Variants in PKD2L1 observed in about 807,000 individuals in gnomAD.
PKD2L1 encodes the protein polycystin 2 like 1, transient receptor potential cation channel.
A neutral mutation model predicts 93.0 loss-of-function variants in PKD2L1; 77 were observed. That is an observed-to-expected ratio of 0.83 (90% CI 0.69 to 1.00). The LOEUF (loss-of-function observed/expected upper bound fraction) is 1.00. Ranked by LOEUF, PKD2L1 falls within the 50% of genes least tolerant of loss-of-function variation. The pLI is 0.00. For synonymous variants in PKD2L1, 390 were observed against 388.0 expected, an observed-to-expected ratio of 1.01 and a Z score of -0.06; for missense variants, 977 against 990.9, an observed-to-expected ratio of 0.99 and a Z score of 0.19.
Position 100,290,381 on chromosome 10 carries a change from C to G in PKD2L1, c.2126+20G>C, listed in dbSNP as rs1167339607. 17 of 1,527,504 alleles carry G rather than the reference C, an allele frequency of 1.1e-5. No homozygotes were observed. The highest frequency in any genetic ancestry group is 1.5e-5 in the Non-Finnish European group (17 of 1,103,794). The allele number at this position is 1,527,504 out of a possible 1,614,324, so 94.6% of individuals were successfully genotyped here. On this transcript the variant is annotated intron_variant, in intron 13 of 15. Coordinates refer to ENST00000318222, the MANE Select transcript of PKD2L1 (RefSeq NM_016112.3). ...AGAAGTGTTGCCAGCCCTGAACCAG[C>G]CTTTCTTGGCTGCACGTACATGTAG...
Position 100,288,278 on chromosome 10 carries a change from C to G in PKD2L1, c.*118G>C. The G allele has an allele frequency of 1.4e-6, 1 of 702,524 alleles. No homozygotes were observed. The highest frequency in any genetic ancestry group is 2.6e-6 in the Non-Finnish European group (1 of 387,738). 43.5% of individuals were successfully genotyped at this position (702,524 alleles called of 1,614,324 possible). On this transcript the variant is annotated 3_prime_UTR_variant, in exon 16 of 16. Transcript: ENST00000318222. The stretch of plus-strand genomic sequence containing the variant: ...TGAGTTCATTTCCTTGCCTGATTCC[C>G]TTCAGGCTCCATTTTTATCTCCTGG...
chr10:100,288,898 A>C, intron 15 of PKD2L1, 74 bp downstream of exon 15: 2 of 884,252 alleles, frequency 2.3e-6, no homozygotes, highest in Non-Finnish European at 1.8e-6. Context: ...AGTGCAGGGG[A>C]TGTGGCGAGG....
At chr10:100,315,807 G>A (rs1008338137) in intron 2 of PKD2L1, among the ~76,000 whole-genome samples, 6 of 152,078 alleles carry the variant, frequency 3.9e-5, no homozygotes, top group African/African-American at 1.2e-4. Flanking sequence ...GTTGGCTGGC[G>A]CTACCTCCTC....
At chr10:100,325,768 T>TGAAGACAATAG (rs1315319939) in intron 2 of PKD2L1, among the ~76,000 whole-genome samples, 1 of 152,224 alleles carries the variant, frequency 6.6e-6, no homozygotes, top group East Asian at 1.9e-4. Flanking sequence ...TTACAGTGCC[T>TGAAGACAATAG]GCTGTGACTT....
chr10:100,297,705 T>C (rs929963734), intron 4 of PKD2L1, 99 bp from the exon 5 acceptor site: 4 of 43,592 alleles, frequency 9.2e-5, no homozygotes, highest in African/African-American at 7.5e-4. Flanking sequence ...TTACATATTG[T>C]GTGTGTGTGT....
chr10:100,289,860 C>T (rs145168990), intron 14 of PKD2L1, among the ~76,000 whole-genome samples, 155 bp downstream of exon 14: 216 of 152,290 alleles, frequency 1.4e-3, no homozygotes, highest in Non-Finnish European at 2.6e-3. Flanking sequence ...TCTCCATGAC[C>T]CATCTCTGCT....
At chr10:100,318,480 C>T (rs551476039) in intron 2 of PKD2L1, among the ~76,000 whole-genome samples, 1 of 152,082 alleles carries the variant, frequency 6.6e-6, no homozygotes, top group Non-Finnish European at 1.5e-5. Flanking sequence ...CCAGCCTGGC[C>T]TCATCTACAA....
At position 100,325,975 on chromosome 10, in the gene PKD2L1, G is replaced by A. The variant is rs139067351; in HGVS notation, c.349+3236C>T. ...CGCCAGACCTTGAACCCACATAGTCGACTTCAGAGCCTCACTGCTTAACCA... is the reference window on the plus strand; with the variant it reads ...CGCCAGACCTTGAACCCACATAGTCAACTTCAGAGCCTCACTGCTTAACCA... On this transcript the variant is annotated intron_variant, in intron 2 of 15. Coordinates refer to ENST00000318222, the MANE Select transcript of PKD2L1 (RefSeq NM_016112.3). Among the ~76,000 whole-genome samples the A allele has an allele frequency of 5.9e-5, 9 of 152,278 alleles. No individual in the cohort carries two copies. In the South Asian group the frequency reaches 6.2e-4, roughly 11 times the overall value.
At chr10:100,293,859 C>A (rs1035251253) in intron 9 of PKD2L1, among the ~76,000 whole-genome samples, 2 of 152,176 alleles carry the variant, frequency 1.3e-5, no homozygotes, top group African/African-American at 4.8e-5. Flanking sequence ...TGTAATCCAG[C>A]ACTTTGGGAG....
intron 2 of PKD2L1, among the ~76,000 whole-genome samples, chr10:100,311,187 G>C (rs1202179875): frequency 6.6e-6 from 1 of 152,158 alleles, no homozygotes; most frequent in Non-Finnish European, 1.5e-5. Flanking sequence ...ACCTATTTGA[G>C]TTTTCTTCTT....
At chr10:100,294,900 G>T in intron 8 of PKD2L1, 42 bp downstream of exon 8, 1 of 1,556,220 alleles carries the variant, frequency 6.4e-7, no homozygotes, top group Non-Finnish European at 8.8e-7. Context: ...TGGAGCTGGA[G>T]GGTGAGGGGC....
chr10:100,296,154 T>G lies in PKD2L1; in HGVS notation c.1324A>C (p.Asn442His), dbSNP rs1221900502. Residue 442 changes from asparagine to histidine, a missense_variant, in exon 7 of 16, where the codon AAT becomes CAT. Coordinates refer to ENST00000318222, the MANE Select transcript of PKD2L1 (RefSeq NM_016112.3). Reference protein sequence around the residue: ...AFWQTQYNNMNAVNLFFAWIK... With the variant: ...AFWQTQYNNMHAVNLFFAWIK... Reference sequence around the variant, plus strand: ...CAGGCGAAGAAGAGGTTGACAGCATTCATGTTGTTGTACTGTGTCTGCCAG... The same window carrying G: ...CAGGCGAAGAAGAGGTTGACAGCATGCATGTTGTTGTACTGTGTCTGCCAG... 2.5e-6 allele frequency: 4 copies of G among 1,611,158 alleles called. No individual in the cohort carries two copies. In the East Asian group the frequency reaches 9.0e-5, roughly 36 times the overall value.
intron 2 of PKD2L1, among the ~76,000 whole-genome samples, chr10:100,325,747 C>T (rs1170462565): frequency 6.6e-6 from 1 of 152,154 alleles, no homozygotes; most frequent in East Asian, 1.9e-4. Context: ...TATGATGCCA[C>T]ATTTATAGTT....
chr10:100,290,550 G>A (rs1395621256), intron 12 of PKD2L1, 31 bp from the exon 13 acceptor site: 1 of 1,425,576 alleles, frequency 7.0e-7, no homozygotes, highest in Admixed American at 1.7e-5. Context: ...TAGAGGGGAG[G>A]AGATAACTCT....
Position 100,297,382 on chromosome 10 carries a change from C to G in PKD2L1, c.956G>C (p.Arg319Thr). ...GATAAAGTAGGGAAAGGGGGCTCAC[C>G]TCAGGACACAGAAAAGATTGATATT... ...NANINLFCVLRLVVEFPATGG... is the reference protein window; with the variant it reads ...NANINLFCVLTLVVEFPATGG... Residue 319 changes from arginine to threonine, a missense_variant and splice_region_variant, in exon 5 of 16, where the codon AGG (arginine) becomes ACG (threonine). Arg to Thr is a moderately conservative substitution (Grantham distance 71). Coordinates refer to ENST00000318222, the MANE Select transcript of PKD2L1 (RefSeq NM_016112.3). 6.2e-7 allele frequency: 1 copy of G among 1,612,564 alleles called. No individual in the cohort carries two copies.
In PKD2L1 at chr10:100,298,554, T is replaced by G. The variant is rs1224088323; in HGVS notation, c.731+8A>C. Reference sequence around the variant, plus strand: ...GCCCTGTGATATTGGTAGGACAGGCTCACTCACGCTGTGCCATTGAAGGGC... The same window carrying G: ...GCCCTGTGATATTGGTAGGACAGGCGCACTCACGCTGTGCCATTGAAGGGC... On this transcript the variant is annotated splice_region_variant and intron_variant, in intron 4 of 15. Transcript: ENST00000318222. The G allele has an allele frequency of 2.5e-6, 4 of 1,613,690 alleles. No individual in the cohort carries two copies. Among genetic ancestry groups the G allele is most frequent in the Non-Finnish European group, 3.4e-6 (4 of 1,179,688 alleles).
chr10:100,300,712 T>C (rs1242264263), intron 2 of PKD2L1, among the ~76,000 whole-genome samples: 1 of 152,268 alleles, frequency 6.6e-6, no homozygotes, highest in African/African-American at 2.4e-5. Flanking sequence ...TTAACTTTGA[T>C]CTTTTGTTAA....
intron 11 of PKD2L1, among the ~76,000 whole-genome samples, chr10:100,292,603 T>C (rs1171286008): frequency 6.6e-6 from 1 of 151,782 alleles, no homozygotes; most frequent in African/African-American, 2.4e-5. Flanking sequence ...AATCAGGGAG[T>C]GAATGGCTAA....
Position 100,292,938 on chromosome 10 carries a change from G to A in PKD2L1, c.1880+10C>T. ...TGTTATTAGAGAAGGCTGGGTCTCT[G>A]GTTGCTCACTCCCTTAAGGTGTTGG... On this transcript the variant is annotated intron_variant, in intron 11 of 15. Transcript: ENST00000318222. The A allele has an allele frequency of 1.2e-6, 2 of 1,611,806 alleles. No homozygotes were observed. Among genetic ancestry groups the A allele is most frequent in the South Asian group, 1.1e-5 (1 of 90,926 alleles).
Sources: gnomAD v4.1 joint callset for allele counts (sites outside exome capture counted in the v4.1 genomes callset) on GRCh38, gnomAD v4.1.1 for gene constraint, MANE v1.5 for transcripts, NCBI Gene and HGNC (gene_info 2026-07-23, HGNC 2026-07-21) for gene names.